Variants in UHRF2 observed in about 807,000 individuals in gnomAD.
The protein encoded by UHRF2 is E3 ubiquitin-protein ligase UHRF2.
Under a neutral mutation model 96.8 loss-of-function variants are expected in UHRF2, and 23 were observed. The ratio of observed to expected loss-of-function variants is 0.24; its 90% CI spans 0.17 to 0.34. The LOEUF (loss-of-function observed/expected upper bound fraction) is 0.34. Among genes scored for constraint, UHRF2 ranks in the 10% least tolerant of loss-of-function variants. The pLI is 1.00. For missense variants in UHRF2, 685 were observed against 981.5 expected, an observed-to-expected ratio of 0.70 and a Z score of 4.04; for synonymous variants, 385 against 332.6, an observed-to-expected ratio of 1.16 and a Z score of -1.72.
At position 6,421,089 on chromosome 9, in the gene UHRF2, C is replaced by T. The variant is rs370723745; in HGVS notation, c.331C>T (p.Pro111Ser). Residue 111 changes from proline (P) to serine (S), a missense_variant, in exon 2 of 16, where the codon CCA becomes TCA. Coordinates refer to ENST00000276893, the MANE Select transcript of UHRF2 (RefSeq NM_152896.3). ...TCCGAGGGTAGGACCTTCCAATCAGCCATCTACATCAGCTCGTGCCCGTCT... is the reference window on the plus strand; with the variant it reads ...TCCGAGGGTAGGACCTTCCAATCAGTCATCTACATCAGCTCGTGCCCGTCT... ...KAPRVGPSNQ[P>S]STSARARLID... 6.2e-7 allele frequency: 1 copy of T among 1,613,998 alleles called. No homozygotes were observed. The highest frequency in any genetic ancestry group is 1.3e-5 in the African/African-American group (1 of 74,920).
In UHRF2 at chr9:6,451,389, C is replaced by G. The variant is rs142647179; in HGVS notation, c.645-9184C>G. Among the ~76,000 whole-genome samples, 631 of 152,014 alleles carry G rather than the reference C, an allele frequency of 4.2e-3. 2 individuals are homozygous for G. Among genetic ancestry groups the G allele is most frequent in the African/African-American group, 0.015 (606 of 41,472 alleles). The stretch of plus-strand genomic sequence containing the variant: ...ATTACATAGTTCTGTAGTTAAATCT[C>G]CAAAACAAAATATACTAAGAGAAAT... On this transcript the variant is annotated intron_variant, in intron 3 of 15. Coordinates refer to ENST00000276893, the MANE Select transcript of UHRF2 (RefSeq NM_152896.3).
intron 8 of UHRF2, 25 bp from the exon 9 acceptor site, chr9:6,486,796 G>A (rs1429746778): frequency 6.2e-7 from 1 of 1,608,276 alleles, no homozygotes; most frequent in Non-Finnish European, 8.5e-7. Flanking sequence ...GAGGTATTTT[G>A]AGACTCTCTT....
chr9:6,484,073 C>CT lies in UHRF2; in HGVS notation c.1392+1989dup, dbSNP rs1002624016. On this transcript the variant is annotated intron_variant, in intron 8 of 15. Coordinates refer to ENST00000276893, the MANE Select transcript of UHRF2 (RefSeq NM_152896.3). ...CATTTACCTTCTTATTTCTTTCTTT[C>CT]TTTTTTTTTTTTTTTAAGAGACAGG... is the stretch of plus-strand genomic sequence containing the variant. 3.8e-3 allele frequency among the ~76,000 whole-genome samples: 522 copies of CT among 135,638 alleles called. 6 individuals carry two copies. In the East Asian group the frequency reaches 0.039, roughly 10 times the overall value. The allele number at this position is 135,638 out of a possible 152,430, so 89.0% of individuals were successfully genotyped here.
intron 4 of UHRF2, among the ~76,000 whole-genome samples, chr9:6,463,502 G>A (rs549207864): frequency 3.3e-5 from 5 of 150,340 alleles, no homozygotes; most frequent in Admixed American, 6.6e-5. Context: ...ATGGGGTCTC[G>A]CTCTGTTGCC....
intron 5 of UHRF2, among the ~76,000 whole-genome samples, chr9:6,477,105 C>T (rs781595972): frequency 1.3e-5 from 2 of 151,958 alleles, no homozygotes; most frequent in East Asian, 1.9e-4. Context: ...TGGTGGCAGG[C>T]GCCTGTAATC....
chr9:6,426,246 T>C (rs1014672239), intron 2 of UHRF2, among the ~76,000 whole-genome samples: 3 of 152,246 alleles, frequency 2.0e-5, no homozygotes, highest in Non-Finnish European at 2.9e-5. Flanking sequence ...CTACAGAATT[T>C]AAACTCTATT....
chr9:6,491,519 C>T (rs1462313105), intron 9 of UHRF2, among the ~76,000 whole-genome samples: 1 of 152,098 alleles, frequency 6.6e-6, no homozygotes, highest in Admixed American at 6.6e-5. Context: ...TGAATTAAGT[C>T]ATTAAAGGAG....
chr9:6,421,983 G>C (rs575642602), intron 2 of UHRF2, among the ~76,000 whole-genome samples: 1 of 151,832 alleles, frequency 6.6e-6, no homozygotes, highest in Admixed American at 6.6e-5. Context: ...AACATACCGC[G>C]GTATATTTAA....
At chr9:6,454,488 C>T (rs1368163253) in intron 3 of UHRF2, among the ~76,000 whole-genome samples, 1 of 152,202 alleles carries the variant, frequency 6.6e-6, no homozygotes, top group Non-Finnish European at 1.5e-5. Context: ...GATTCAGTAT[C>T]AAGTACCTTC....
chr9:6,483,328 A>AT (rs1319756719), intron 8 of UHRF2, among the ~76,000 whole-genome samples: 1 of 151,168 alleles, frequency 6.6e-6, no homozygotes, highest in Non-Finnish European at 1.5e-5. Flanking sequence ...CTGTCTCAAA[A>AT]AAAAAAAAAA....
At chr9:6,478,821 G>T (rs763187499) in intron 6 of UHRF2, among the ~76,000 whole-genome samples, 1 of 152,182 alleles carries the variant, frequency 6.6e-6, no homozygotes, top group Non-Finnish European at 1.5e-5. Context: ...GAGAAAGGGG[G>T]AAAGGATATA....
intron 4 of UHRF2, among the ~76,000 whole-genome samples, chr9:6,466,539 CA>C (rs1359037277): frequency 3.4e-4 from 13 of 38,596 alleles, no homozygotes; most frequent in Non-Finnish European, 2.7e-4. Flanking sequence ...GACTCTATCT[CA>C]AAAAAAAAAG....
chr9:6,430,184 A>G (rs1374240812), intron 2 of UHRF2, among the ~76,000 whole-genome samples: 1 of 151,952 alleles, frequency 6.6e-6, no homozygotes, highest in Non-Finnish European at 1.5e-5. Context: ...CTAATTTTGT[A>G]CTTTTAGTAG....
intron 10 of UHRF2, chr9:6,495,467 G>T (rs1347338548): frequency 6.6e-6 from 1 of 152,200 alleles, no homozygotes; most frequent in East Asian, 1.9e-4. Context: ...AAGGCACTTT[G>T]CTCTGACCCA....
At chr9:6,487,746 C>T (rs534087606) in intron 9 of UHRF2, among the ~76,000 whole-genome samples, 3 of 152,314 alleles carry the variant, frequency 2.0e-5, no homozygotes, top group South Asian at 2.1e-4. Context: ...AGATGATCTG[C>T]GCACCTTGGC....
At position 6,475,413 on chromosome 9, in the gene UHRF2, G is replaced by T; in HGVS notation, c.886G>T (p.Asp296Tyr). 6.4e-7 allele frequency: 1 copy of T among 1,570,568 alleles called. No individual in the cohort carries two copies. The highest frequency in any genetic ancestry group is 1.2e-5 in the South Asian group (1 of 81,834). The change falls in exon 5 of 16, where the codon GAC (aspartate) becomes TAC (tyrosine). Residue 296 changes from aspartate to tyrosine, a missense_variant. By Grantham distance (160) the Asp-to-Tyr change is radical. Around this residue, in one of 6 missense-constraint regions of UHRF2, gnomAD observed 391 missense variants for 437.0 expected, o/e 0.89. Coordinates refer to ENST00000276893, the MANE Select transcript of UHRF2 (RefSeq NM_152896.3). Reference sequence around the variant, plus strand: ...CAGGGGTTCTGAAGGAACATTAAATGACTGCAAGATAATATCTGTAGATGA... The same window carrying T: ...CAGGGGTTCTGAAGGAACATTAAATTACTGCAAGATAATATCTGTAGATGA... ...FLGGSEGTLN[D>Y]CKIISVDEIF...
At chr9:6,497,390 T>TCA in intron 11 of UHRF2, 30 bp downstream of exon 11, 1 of 1,607,022 alleles carries the variant, frequency 6.2e-7, no homozygotes, top group Non-Finnish European at 8.5e-7. Context: ...ATCTTGTTTG[T>TCA]CATTCTTCCT....
intron 3 of UHRF2, among the ~76,000 whole-genome samples, chr9:6,444,315 T>G (rs1161915626): frequency 2.6e-5 from 4 of 152,258 alleles, no homozygotes; most frequent in Non-Finnish European, 5.9e-5. Context: ...TGTAGGCTCC[T>G]GAGTGGATGG....
intron 5 of UHRF2, among the ~76,000 whole-genome samples, chr9:6,477,399 G>T (rs566611138): frequency 1.3e-5 from 2 of 151,972 alleles, no homozygotes; most frequent in East Asian, 3.9e-4. Context: ...GGTGGCACAT[G>T]CCTGTAATCC....
Sources: gnomAD v4.1 joint callset for allele counts (sites outside exome capture counted in the v4.1 genomes callset) on GRCh38, gnomAD v4.1.1 for gene constraint, gnomAD v4.1.1 regional missense constraint, MANE v1.5 for transcripts, NCBI Gene and HGNC (gene_info 2026-07-23, HGNC 2026-07-21) for gene names.